Variants in MYO19 observed in about 807,000 individuals in gnomAD.
The protein encoded by MYO19 is unconventional myosin-XIX.
In MYO19, 132 loss-of-function variants were observed where a neutral mutation model predicts 129.2. That is an observed-to-expected ratio of 1.02 (90% CI 0.89 to 1.18). MYO19 has a LOEUF of 1.18. Ranked by LOEUF, MYO19 falls within the 50% of genes most tolerant of loss-of-function variation. MYO19 has a pLI of 0.00. For missense variants in MYO19, 1,210 were observed against 1,216.7 expected (o/e 0.99, Z 0.08); for synonymous variants, 531 against 477.2 (o/e 1.11, Z -1.47).
At chr17:36,518,408 T>A (rs2142161828) in intron 6 of MYO19, among the ~76,000 whole-genome samples, 1 of 140,824 alleles carries the variant, frequency 7.1e-6, no homozygotes, top group Non-Finnish European at 1.5e-5. Context: ...GGCAAATGAA[T>A]CACTTGAACC....
Position 36,506,585 on chromosome 17 carries a change from G to A in MYO19, c.1668C>T (p.Thr556=), listed in dbSNP as rs1180107903. 21 of 1,550,886 alleles carry A rather than the reference G, an allele frequency of 1.4e-5. No individual in the cohort carries two copies. The highest frequency in any genetic ancestry group is 1.7e-4 in the Middle Eastern group (1 of 5,716). Residue 556 remains threonine, a synonymous_variant, in exon 18 of 26, where the codon ACC becomes ACT. Transcript: ENST00000614623. The part of the protein sequence containing the change: ...KNKDPIPPEL[T]RLLQQSQDPL... ...GGTCCTGGGATTGCTGCAGGAGCCT[G>A]GTCAGCTCAGGTGGGATAGGGTCCT...
intron 6 of MYO19, among the ~76,000 whole-genome samples, chr17:36,518,582 A>G (rs1359244039): frequency 7.1e-6 from 1 of 141,058 alleles, no homozygotes; most frequent in African/African-American, 2.6e-5. Context: ...GTATATACAT[A>G]AAAGTATGTA....
At position 36,507,042 on chromosome 17, in the gene MYO19, C is replaced by G. The variant is rs778622607; in HGVS notation, c.1565G>C (p.Ser522Thr). Residue 522 changes from serine to threonine, a missense_variant, in exon 17 of 26, where the codon AGC becomes ACC. Physicochemically the swap from Ser to Thr is moderately conservative, Grantham distance 58 (BLOSUM62 1). Transcript: ENST00000614623. ...GSPCLGHNKL[S>T]REPSFIVVHY... Reference sequence around the variant, plus strand: ...CACCACAATGAAGCTGGGCTCCCGGCTGAGCTTATTGTGGCCCAGGCAGGG... The same window carrying G: ...CACCACAATGAAGCTGGGCTCCCGGGTGAGCTTATTGTGGCCCAGGCAGGG... 1.2e-5 allele frequency: 20 copies of G among 1,613,626 alleles called. No individual in the cohort carries two copies. Among genetic ancestry groups the G allele is most frequent in the Non-Finnish European group, 5.1e-6 (6 of 1,179,738 alleles).
intron 3 of MYO19, among the ~76,000 whole-genome samples, chr17:36,529,866 A>G (rs183388396): frequency 3.3e-5 from 5 of 152,272 alleles, no homozygotes; most frequent in East Asian, 1.9e-4. Context: ...TCTTACAGTT[A>G]TATACTCTTA....
intron 2 of MYO19, among the ~76,000 whole-genome samples, chr17:36,540,368 C>T (rs1416144560): frequency 6.6e-6 from 1 of 150,610 alleles, no homozygotes; most frequent in Non-Finnish European, 1.5e-5. Context: ...TAATATTCTA[C>T]TGTCTTTTTT....
intron 3 of MYO19, among the ~76,000 whole-genome samples, chr17:36,531,956 A>C (rs984476426): frequency 1.3e-5 from 2 of 152,242 alleles, no homozygotes; most frequent in African/African-American, 4.8e-5. Flanking sequence ...GGTATGAGAG[A>C]GAGCTCCGCT....
chr17:36,521,936 CAGG>C (rs1567776857), intron 6 of MYO19, among the ~76,000 whole-genome samples: 2 of 144,854 alleles, frequency 1.4e-5, no homozygotes, highest in Non-Finnish European at 3.0e-5. Flanking sequence ...GAAGCTGAGG[CAGG>C]AGAATTGCTT....
intron 15 of MYO19, 127 bp from the exon 16 acceptor site, chr17:36,507,639 A>G (rs2072009717): frequency 7.6e-7 from 1 of 1,311,414 alleles, no homozygotes; most frequent in Non-Finnish European, 1.1e-6. Flanking sequence ...AAGTATATCA[A>G]AACATTACAT....
rs773297560 is a variant in MYO19, at chr17:36,506,612, T to C, written c.1645-4A>G. 4 of 1,522,238 alleles carry C rather than the reference T, an allele frequency of 2.6e-6. No individual in the cohort carries two copies. Among genetic ancestry groups the C allele is most frequent in the Non-Finnish European group, 3.5e-6 (4 of 1,139,182 alleles). The allele number at this position is 1,522,238 out of a possible 1,614,324, so 94.3% of individuals were successfully genotyped here. A position where few individuals can be genotyped will look rare whatever the true frequency, so the allele number is the denominator to read the frequency against. ...TCAGCTCAGGTGGGATAGGGTCCTA[T>C]TGGGAAATGGCAAGAGCAGCAGTGA... On this transcript the variant is annotated splice_polypyrimidine_tract_variant and splice_region_variant and intron_variant, in intron 17 of 25. Coordinates refer to ENST00000614623, the MANE Select transcript of MYO19 (RefSeq NM_001163735.2).
chr17:36,522,773 C>T (rs528479198), intron 6 of MYO19, among the ~76,000 whole-genome samples: 41 of 152,102 alleles, frequency 2.7e-4, no homozygotes, highest in Middle Eastern at 3.4e-3. Context: ...TCTGGGAGGC[C>T]GAGGCGAGTG....
chr17:36,538,481 C>T (rs1202637398), upstream of MYO19: 1 of 1,614,084 alleles, frequency 6.2e-7, no homozygotes, highest in Non-Finnish European at 8.5e-7. Context: ...TAACAACTGG[C>T]CTGATCAACC....
intron 12 of MYO19, 77 bp downstream of exon 12, chr17:36,511,288 C>A: frequency 1.4e-6 from 2 of 1,472,372 alleles, no homozygotes; most frequent in Non-Finnish European, 1.9e-6. Context: ...TTTTCACCAT[C>A]CAGCCTTCCA....
intron 9 of MYO19, 36 bp from the exon 10 acceptor site, chr17:36,513,761 G>A (rs755205074): frequency 6.3e-7 from 1 of 1,589,426 alleles, no homozygotes; most frequent in Non-Finnish European, 8.6e-7. Context: ...TGGGTAGGGG[G>A]TCTGAGAAAA....
chr17:36,518,554 G>GTATGTGTATA (rs1212249190), intron 6 of MYO19, among the ~76,000 whole-genome samples: 2 of 66,552 alleles, frequency 3.0e-5, no homozygotes, highest in African/African-American at 1.2e-4. Flanking sequence ...ATATATATAT[G>GTATGTGTATA]TGTATGTGTA....
chr17:36,522,863 A>G (rs2142273207), intron 6 of MYO19, among the ~76,000 whole-genome samples: 1 of 151,920 alleles, frequency 6.6e-6, no homozygotes, highest in African/African-American at 2.4e-5. Context: ...AAAATTAGCC[A>G]GGCGTAGTGG....
At chr17:36,509,164 A>G (rs755399314) in intron 13 of MYO19, 29 bp from the exon 14 acceptor site, 1 of 1,609,042 alleles carries the variant, frequency 6.2e-7, no homozygotes, top group Non-Finnish European at 8.5e-7. Context: ...GGACTCTGGT[A>G]AGAGGGTCTG....
At chr17:36,505,465 G>A (rs1240147244) in intron 18 of MYO19, 61 bp from the exon 19 acceptor site, 1 of 1,255,230 alleles carries the variant, frequency 8.0e-7, no homozygotes, top group Non-Finnish European at 1.1e-6. Flanking sequence ...CATCAACTGG[G>A]CTCTGGTTAG....
At position 36,503,938 on chromosome 17, in the gene MYO19, G is replaced by A. The variant is rs150861529; in HGVS notation, c.1976+12C>T. The stretch of plus-strand genomic sequence containing the variant: ...ACTGGCCCTGCACTGTGCCGTGATC[G>A]AGCCCACTCACCGGATGGGGAAGCC... On this transcript the variant is annotated intron_variant, in intron 20 of 25. Coordinates refer to ENST00000614623, the MANE Select transcript of MYO19 (RefSeq NM_001163735.2). The A allele has an allele frequency of 1.6e-5, 25 of 1,582,704 alleles. No homozygotes were observed. The highest frequency in any genetic ancestry group is 6.9e-5 in the East Asian group (3 of 43,356).
At chr17:36,503,578 C>T (rs540399079) in intron 20 of MYO19, among the ~76,000 whole-genome samples, 1 of 152,332 alleles carries the variant, frequency 6.6e-6, no homozygotes, top group Non-Finnish European at 1.5e-5. Context: ...ACCTCTCTGA[C>T]CCCACAGTCT....
Sources: allele counts gnomAD v4.1 joint callset (sites outside exome capture counted in the v4.1 genomes callset), GRCh38; gene constraint gnomAD v4.1.1; transcripts MANE v1.5; gene names NCBI Gene and HGNC (gene_info 2026-07-23, HGNC 2026-07-21).